Variants in TRANK1 observed in about 807,000 individuals in gnomAD.
The protein encoded by TRANK1 is tetratricopeptide repeat and ankyrin repeat containing 1.
TRANK1 carries 198 observed loss-of-function variants against 266.0 expected under a neutral mutation model. The ratio of observed to expected loss-of-function variants is 0.74; its 90% CI spans 0.66 to 0.84. The LOEUF (loss-of-function observed/expected upper bound fraction) is 0.84. TRANK1 is among the 40% of genes least tolerant of loss of function. TRANK1 has a pLI of 0.00. For synonymous variants in TRANK1, 1,396 were observed against 1,384.1 expected (o/e 1.01, Z -0.19); for missense variants, 3,326 against 3,634.6 (o/e 0.92, Z 2.18).
rs546322343 is a variant in TRANK1 at position 36,876,349 on chromosome 3, T to G, written c.908-2053A>C. On this transcript the variant is annotated intron_variant, in intron 8 of 23. Coordinates refer to ENST00000645898, the MANE Select transcript of TRANK1 (RefSeq NM_001329998.2). ...GTTCTTCTAGCTCTGTCCCATACCC[T>G]CTTCCAGAGGCTAAATCCTGGCCAG... 2.8e-4 allele frequency among the ~76,000 whole-genome samples: 43 copies of G among 152,358 alleles called. No homozygotes were observed. In the South Asian group the frequency reaches 8.7e-3, roughly 31 times the overall value.
intron 23 of TRANK1, among the ~76,000 whole-genome samples, 167 bp from the exon 24 acceptor site, chr3:36,828,542 T>C (rs2078657275): frequency 6.6e-6 from 1 of 152,142 alleles, no homozygotes; most frequent in African/African-American, 2.4e-5. Context: ...TATAGCATCC[T>C]AGTAAAACCT....
Position 36,944,916 on chromosome 3 carries a change from G to T in TRANK1, c.-107C>A. 8.3e-7 allele frequency: 1 copy of T among 1,199,464 alleles called. No individual in the cohort carries two copies. The highest frequency in any genetic ancestry group is 1.1e-6 in the Non-Finnish European group (1 of 922,766). The allele number at this position is 1,199,464 out of a possible 1,614,324, so 74.3% of individuals were successfully genotyped here. On this transcript the variant is annotated 5_prime_UTR_variant, in exon 1 of 24. Transcript: ENST00000645898. ...GGAAGCCCGAAAGCTACCGGAGCCC[G>T]GGGCAGGGGCGGCGCGATGCAGAGG...
chr3:36,938,830 C>T lies in TRANK1; in HGVS notation c.23+5957G>A, dbSNP rs537490474. ...AAAAATTTAGCGGAGGGTGGTGGCGCGTGCCTATAGTCCCAGCTACTCAGG... is the reference window on the plus strand; with the variant it reads ...AAAAATTTAGCGGAGGGTGGTGGCGTGTGCCTATAGTCCCAGCTACTCAGG... On this transcript the variant is annotated intron_variant, in intron 1 of 23. Coordinates refer to ENST00000645898, the MANE Select transcript of TRANK1 (RefSeq NM_001329998.2). 9.8e-4 allele frequency among the ~76,000 whole-genome samples: 149 copies of T among 151,964 alleles called. 2 individuals are homozygous for T. Among genetic ancestry groups the T allele is most frequent in the Middle Eastern group, 6.8e-3 (2 of 294 alleles).
rs1276549472 is a variant in TRANK1 at position 36,827,651 on chromosome 3, A to G, written c.*624T>C. ...GACTTGGCACAGGTAGCTAAGAATG[A>G]TCACAAAAAACAGAAGAAGGGAAGG... On this transcript the variant is annotated 3_prime_UTR_variant, in exon 24 of 24. Coordinates refer to ENST00000645898, the MANE Select transcript of TRANK1 (RefSeq NM_001329998.2). The G allele has an allele frequency of 6.6e-6, 1 of 152,476 alleles. No individual in the cohort carries two copies. The highest frequency in any genetic ancestry group is 1.5e-5 in the Non-Finnish European group (1 of 68,058). 9.4% of individuals were successfully genotyped at this position (152,476 alleles called of 1,614,324 possible).
chr3:36,887,428 T>C (rs1365189738), intron 8 of TRANK1, among the ~76,000 whole-genome samples: 2 of 152,208 alleles, frequency 1.3e-5, no homozygotes, highest in East Asian at 3.8e-4. Context: ...TTAAAATGTA[T>C]CTGTATACTA....
chr3:36,845,344 T>A (rs1575192252), intron 17 of TRANK1, among the ~76,000 whole-genome samples: 2 of 152,262 alleles, frequency 1.3e-5, no homozygotes, highest in East Asian at 3.9e-4. Context: ...GAACTAAGAG[T>A]TCTTACTGTC....
rs760223254 is a variant in TRANK1, at chr3:36,829,767, G to A, written c.8711-105C>T. ...CCACATCCCAAGAGCTGGTCTCTAT[G>A]TTTTCCCTGAAAAGAGCCCTCCTTA... On this transcript the variant is annotated intron_variant, in intron 22 of 23. Coordinates refer to ENST00000645898, the MANE Select transcript of TRANK1 (RefSeq NM_001329998.2). The A allele has an allele frequency of 1.9e-4, 234 of 1,235,382 alleles. 1 individual carries two copies. The highest frequency in any genetic ancestry group is 2.5e-4 in the Non-Finnish European group (221 of 869,542). 76.5% of individuals were successfully genotyped at this position (1,235,382 alleles called of 1,614,324 possible). A position where few individuals can be genotyped will look rare whatever the true frequency, so the allele number is the denominator to read the frequency against.
intron 1 of TRANK1, among the ~76,000 whole-genome samples, chr3:36,936,825 G>A (rs1049075553): frequency 3.3e-5 from 5 of 152,172 alleles, no homozygotes; most frequent in Non-Finnish European, 7.3e-5. Context: ...CAGACAGGAC[G>A]GCATGATGGC....
At chr3:36,905,245 C>G (rs1459359532) in intron 2 of TRANK1, among the ~76,000 whole-genome samples, 43 of 148,780 alleles carry the variant, frequency 2.9e-4, no homozygotes, top group Non-Finnish European at 5.3e-4. Context: ...GAGCCGAGAT[C>G]GTGCCGTTGC....
chr3:36,925,443 G>A (rs747148795), intron 1 of TRANK1, among the ~76,000 whole-genome samples: 10 of 152,006 alleles, frequency 6.6e-5, no homozygotes, highest in East Asian at 1.9e-4. Flanking sequence ...GATAAGACTC[G>A]TTATTTATGA....
At position 36,892,324 on chromosome 3, in the gene TRANK1, C is replaced by G; in HGVS notation, c.653G>C (p.Gly218Ala). The change falls in exon 7 of 24, where the codon GGA (glycine) becomes GCA (alanine). Residue 218 changes from glycine (G) to alanine (A), a missense_variant. Gly to Ala is a moderately conservative substitution (Grantham distance 60, BLOSUM62 0). Coordinates refer to ENST00000645898, the MANE Select transcript of TRANK1 (RefSeq NM_001329998.2). ...KSLFEKYVFI[G>A]LYEKMEQVPK... is the part of the protein sequence containing the mutation. ...CACTTGTTCCATCTTCTCATAAAGT[C>G]CAATGAAAACGTATTTCTGGGGAAA... The G allele has an allele frequency of 6.5e-7, 1 of 1,536,894 alleles. No individual in the cohort carries two copies. The highest frequency in any genetic ancestry group is 8.7e-7 in the Non-Finnish European group (1 of 1,146,844).
At chr3:36,893,926 C>T (rs1400088025) in intron 5 of TRANK1, among the ~76,000 whole-genome samples, 1 of 151,946 alleles carries the variant, frequency 6.6e-6, no homozygotes, top group Admixed American at 6.6e-5. Context: ...TCTTGTTGCC[C>T]TGGCTAGAGT....
Position 36,899,212 on chromosome 3 carries a change from G to A in TRANK1, c.330C>T (p.Tyr110=), listed in dbSNP as rs917389910. ...CCTCAAAAAACATGCGAGCGGCTTC[G>A]TAAGGCTGGTGCAACCTCAGCAAGG... is the stretch of plus-strand genomic sequence containing the variant. The part of the protein sequence containing the change: ...GYSLLRLHQP[Y]EAARMFFEGL... Residue 110 remains tyrosine (Y), a synonymous_variant, in exon 4 of 24, where the codon TAC becomes TAT. Transcript: ENST00000645898. The A allele has an allele frequency of 2.2e-5, 34 of 1,537,182 alleles. No individual in the cohort carries two copies. The highest frequency in any genetic ancestry group is 1.1e-4 in the South Asian group (9 of 84,066).
intron 1 of TRANK1, among the ~76,000 whole-genome samples, chr3:36,915,191 T>G (rs904483966): frequency 6.6e-6 from 1 of 152,162 alleles, no homozygotes; most frequent in African/African-American, 2.4e-5. Flanking sequence ...GACCTCGTGA[T>G]CCACCCGCCT....
rs754052979 is a variant in TRANK1 at position 36,855,620 on chromosome 3, G to A, written c.4102C>T (p.Leu1368Phe). 2.3e-5 allele frequency: 37 copies of A among 1,613,762 alleles called. No homozygotes were observed. The highest frequency in any genetic ancestry group is 3.1e-5 in the Non-Finnish European group (36 of 1,179,874). Residue 1368 changes from leucine to phenylalanine, a missense_variant, in exon 13 of 24, where the codon CTC (leucine) becomes TTC (phenylalanine). Coordinates refer to ENST00000645898, the MANE Select transcript of TRANK1 (RefSeq NM_001329998.2). The part of the protein sequence containing the change: ...FEALSCPHGR[L>F]TEEVYKKLGR... ...AATTTCTTATATACTTCTTCAGTGA[G>A]TCTCCCATGGGGACAGCTGAGGGCC...
intron 1 of TRANK1, among the ~76,000 whole-genome samples, chr3:36,923,366 C>T (rs2080243570): frequency 6.6e-6 from 1 of 151,058 alleles, no homozygotes; most frequent in Non-Finnish European, 1.5e-5. Flanking sequence ...TGCAACTCTT[C>T]TGCCTCAGCC....
intron 1 of TRANK1, among the ~76,000 whole-genome samples, chr3:36,926,847 A>G (rs1306870079): frequency 1.2e-4 from 19 of 152,140 alleles, no homozygotes; most frequent in Admixed American, 1.2e-3. Context: ...AACCTCACTA[A>G]TATGTCTATA....
chr3:36,889,944 G>C lies in TRANK1; in HGVS notation c.792C>G (p.Phe264Leu). 1 of 1,537,082 alleles carries C rather than the reference G, an allele frequency of 6.5e-7. No homozygotes were observed. The highest frequency in any genetic ancestry group is 1.2e-5 in the South Asian group (1 of 84,042). The change falls in exon 8 of 24, where the codon TTC (phenylalanine) becomes TTG (leucine). Residue 264 changes from phenylalanine to leucine, a missense_variant. Physicochemically the swap from Phe to Leu is conservative, Grantham distance 22 (BLOSUM62 0). Coordinates refer to ENST00000645898, the MANE Select transcript of TRANK1 (RefSeq NM_001329998.2). Reference protein sequence around the residue: ...LCIQARENHLFRWLMDHKPEW... With the variant: ...LCIQARENHLLRWLMDHKPEW... ...CGGGCTTGTGATCCATTAACCACCG[G>C]AAAAGATGGTTTTCTCCTGAAGGGA...
chr3:36,893,887 C>CTTT lies in TRANK1; in HGVS notation c.553-906_553-904dup, dbSNP rs10646646. ...AGTTTCTTTCAGATTGATACCCATT[C>CTTT]TTTTTTTTTTTTTGAGACAGAGTCT... On this transcript the variant is annotated intron_variant, in intron 5 of 23. Transcript: ENST00000645898. Among the ~76,000 whole-genome samples the CTTT allele has an allele frequency of 3.7e-3, 543 of 146,222 alleles. 8 individuals are homozygous for CTTT. Among genetic ancestry groups the CTTT allele is most frequent in the Non-Finnish European group, 3.9e-3 (261 of 66,306 alleles).
Sources: allele counts gnomAD v4.1 joint callset (sites outside exome capture counted in the v4.1 genomes callset), GRCh38; gene constraint gnomAD v4.1.1; transcripts MANE v1.5; gene names NCBI Gene and HGNC (gene_info 2026-07-23, HGNC 2026-07-21).